CDK18: variants seen among roughly 807,000 people sequenced by gnomAD.
CDK18 encodes cyclin dependent kinase 18, also known as cyclin-dependent kinase 18.
A neutral mutation model predicts 62.0 loss-of-function variants in CDK18; 52 were observed. That is an observed-to-expected ratio of 0.84 (90% CI 0.67 to 1.06). CDK18 has a LOEUF of 1.06. Ranked by LOEUF, CDK18 falls within the 50% of genes least tolerant of loss-of-function variation. The pLI, the probability that CDK18 is intolerant of heterozygous loss-of-function variation, is 0.00. For missense variants in CDK18, 604 were observed against 619.9 expected, an observed-to-expected ratio of 0.97 and a Z score of 0.27; for synonymous variants, 237 against 247.0, an observed-to-expected ratio of 0.96 and a Z score of 0.38.
chr1:205,515,774 G>A (rs1393059618), intron 1 of CDK18, among the ~76,000 whole-genome samples: 1 of 152,144 alleles, frequency 6.6e-6, no homozygotes, highest in African/African-American at 2.4e-5. Flanking sequence ...GAGCAAGGGC[G>A]ACCCTGATCC....
chr1:205,526,610 A>G, intron 7 of CDK18, 149 bp downstream of exon 7: 1 of 928,898 alleles, frequency 1.1e-6, no homozygotes, highest in Non-Finnish European at 1.8e-6. Flanking sequence ...GCTCCCGTGC[A>G]GGAGTGGGCC....
At chr1:205,505,804 C>T (rs1667277457) in intron 1 of CDK18, among the ~76,000 whole-genome samples, 1 of 152,114 alleles carries the variant, frequency 6.6e-6, no homozygotes, top group Non-Finnish European at 1.5e-5. Context: ...TCTCTCTGGG[C>T]ACCTCCCGGC....
Position 205,530,305 on chromosome 1 carries a change from C to T in CDK18, c.1268C>T (p.Ser423Phe), listed in dbSNP as rs1668671683. The change falls in exon 14 of 16, where the codon TCC (serine) becomes TTC (phenylalanine). Residue 423 changes from serine (S) to phenylalanine (F), a missense_variant. Transcript: ENST00000429964. Reference protein sequence around the residue: ...RMSAEAALSHSYFRSLGERVH... With the variant: ...RMSAEAALSHFYFRSLGERVH... ...TCAGCAGAGGCTGCCCTGAGTCACTCCTACTTCCGGTCTCTGGGAGAGCGT... is the reference window on the plus strand; with the variant it reads ...TCAGCAGAGGCTGCCCTGAGTCACTTCTACTTCCGGTCTCTGGGAGAGCGT... The T allele has an allele frequency of 1.9e-6, 3 of 1,613,366 alleles. No homozygotes were observed. Among genetic ancestry groups the T allele is most frequent in the Non-Finnish European group, 2.5e-6 (3 of 1,180,028 alleles).
At chr1:205,507,633 CAAAAAAAAAAA>C (rs56313401) in intron 1 of CDK18, among the ~76,000 whole-genome samples, 3 of 72,200 alleles carry the variant, frequency 4.2e-5, no homozygotes, top group African/African-American at 1.8e-4. Context: ...GACTCCGTCT[CAAAAAAAAAAA>C]AAAAAAAAAA....
In CDK18 at chr1:205,524,256, C is replaced by A; in HGVS notation, c.298C>A (p.Pro100Thr). The A allele has an allele frequency of 6.2e-7, 1 of 1,614,196 alleles. No homozygotes were observed. The highest frequency in any genetic ancestry group is 2.2e-5 in the East Asian group (1 of 44,884). Residue 100 changes from proline (P) to threonine (T), a missense_variant, in exon 4 of 16, where the codon CCC becomes ACC. Transcript: ENST00000429964. Reference protein sequence around the residue: ...MEDVSKRLSLPMDIRLPQEFL... With the variant: ...MEDVSKRLSLTMDIRLPQEFL... ...GGACGTCAGCAAGAGGCTCTCTCTG[C>A]CCATGGATATCCGCCTGCCCCAGGA...
chr1:205,526,758 C>T lies in CDK18; in HGVS notation c.667-17C>T. On this transcript the variant is annotated splice_polypyrimidine_tract_variant and intron_variant, in intron 7 of 15. Coordinates refer to ENST00000429964, the MANE Select transcript of CDK18 (RefSeq NM_212502.3). ...GGGTCAGCGTGGGGCAGGACTGAGCCACGCTCTGTGTTCCAGGACAGTGAC... is the reference window on the plus strand; with the variant it reads ...GGGTCAGCGTGGGGCAGGACTGAGCTACGCTCTGTGTTCCAGGACAGTGAC... 6.2e-7 allele frequency: 1 copy of T among 1,609,418 alleles called. No individual in the cohort carries two copies. The highest frequency in any genetic ancestry group is 8.5e-7 in the Non-Finnish European group (1 of 1,175,756).
At position 205,527,995 on chromosome 1, in the gene CDK18, A is replaced by AG. The variant is rs1393151133; in HGVS notation, c.854-52dup. On this transcript the variant is annotated intron_variant, in intron 9 of 15. Transcript: ENST00000429964. This position sits in a 1 kb window ranked among gnomAD's most constrained non-coding sequence, Gnocchi z 4.1. ...TGGGTGCAGTGGGGGAGGGCATAGCAGTCAACCCCACAGCACCTGTGGACA... is the reference window on the plus strand; with the variant it reads ...TGGGTGCAGTGGGGGAGGGCATAGCAGGTCAACCCCACAGCACCTGTGGACA... 5.6e-6 allele frequency: 9 copies of AG among 1,613,182 alleles called. No individual in the cohort carries two copies. In the African/African-American group the frequency reaches 1.1e-4, roughly 19 times the overall value.
intron 13 of CDK18, chr1:205,529,915 A>G: frequency 2.2e-6 from 3 of 1,379,820 alleles, no homozygotes; most frequent in Non-Finnish European, 2.8e-6. Context: ...CCTGTCTTGT[A>G]AGGCACACGA....
chr1:205,509,311 C>T (rs1667458469), intron 1 of CDK18, among the ~76,000 whole-genome samples: 4 of 152,110 alleles, frequency 2.6e-5, no homozygotes. Flanking sequence ...AGCCTCCCTA[C>T]CCCCACCATT....
intron 13 of CDK18, chr1:205,529,985 T>G: frequency 1.4e-6 from 2 of 1,396,900 alleles, no homozygotes; most frequent in Non-Finnish European, 1.9e-6. Context: ...TGATCATGGT[T>G]GGTTTGCATC....
intron 13 of CDK18, 89 bp downstream of exon 13, chr1:205,529,652 G>A (rs1386242968): frequency 6.2e-7 from 1 of 1,604,544 alleles, no homozygotes. Context: ...CAACTTCTGT[G>A]GCTCGTGTGC....
At position 205,524,076 on chromosome 1, in the gene CDK18, T is replaced by C. The variant is rs369346532; in HGVS notation, c.274-156T>C. ...TCACGTGTATGTCTTGAGCACACACTGGGAGCAGCTGTGAGCCTGGGGTCA... is the reference window on the plus strand; with the variant it reads ...TCACGTGTATGTCTTGAGCACACACCGGGAGCAGCTGTGAGCCTGGGGTCA... On this transcript the variant is annotated intron_variant, in intron 3 of 15. Transcript: ENST00000429964. Among the ~76,000 whole-genome samples, 30 of 152,292 alleles carry C rather than the reference T, an allele frequency of 2.0e-4. No individual in the cohort carries two copies. In the East Asian group the frequency reaches 5.0e-3, roughly 26 times the overall value.
intron 1 of CDK18, among the ~76,000 whole-genome samples, chr1:205,512,147 T>C (rs1457921176): frequency 6.6e-6 from 1 of 152,090 alleles, no homozygotes; most frequent in Non-Finnish European, 1.5e-5. Flanking sequence ...GCTGAGGGGC[T>C]TGGTGGGGCC....
chr1:205,531,209 C>A (rs1668719282), intron 15 of CDK18, 135 bp from the exon 16 acceptor site: 1 of 735,958 alleles, frequency 1.4e-6, no homozygotes, highest in South Asian at 1.7e-5. Context: ...GACACCAGGT[C>A]AGACCGGCTC....
chr1:205,524,898 C>T (rs1329832425), intron 4 of CDK18, among the ~76,000 whole-genome samples: 1 of 152,178 alleles, frequency 6.6e-6, no homozygotes, highest in Non-Finnish European at 1.5e-5. Flanking sequence ...CACAGGTAGT[C>T]AAGATGTGCA....
chr1:205,523,493 C>G lies in CDK18; in HGVS notation c.141C>G (p.Leu47=), dbSNP rs200845295. ...LHNRRNENLQ[L]GPLGRDPPQE... is the part of the protein sequence containing the mutation. ...GCCTGTCCCTCTTAGACTTGCAGCT[C>G]GGTCCTCTTGGCAGAGACCCCCCGC... The change falls in exon 3 of 16, where the codon CTC becomes CTG. Residue 47 remains leucine, a synonymous_variant. Coordinates refer to ENST00000429964, the MANE Select transcript of CDK18 (RefSeq NM_212502.3). 38 of 1,602,990 alleles carry G rather than the reference C, an allele frequency of 2.4e-5. No individual in the cohort carries two copies. In the South Asian group the frequency reaches 4.0e-4, roughly 17 times the overall value.
rs1575081948 is a variant in CDK18 at position 205,530,472 on chromosome 1, C to T, written c.1312+123C>T. 5 of 1,204,272 alleles carry T rather than the reference C, an allele frequency of 4.2e-6. No individual in the cohort carries two copies. The East Asian group carries it at 1.2e-4, about 29-fold the overall frequency. The allele number at this position is 1,204,272 out of a possible 1,614,324, so 74.6% of individuals were successfully genotyped here. A position where few individuals can be genotyped will look rare whatever the true frequency, so the allele number is the denominator to read the frequency against. The stretch of plus-strand genomic sequence containing the variant: ...AGCCCCAGCAGAGCAGCCCCGGGCA[C>T]CTTGCCTCCCCTGCTGGGGTTCTCA... On this transcript the variant is annotated intron_variant, in intron 14 of 15. Transcript: ENST00000429964.
Position 205,526,443 on chromosome 1 carries a change from C to T in CDK18, c.648C>T (p.Thr216=). 6.2e-7 allele frequency: 1 copy of T among 1,613,880 alleles called. No individual in the cohort carries two copies. The highest frequency in any genetic ancestry group is 1.3e-5 in the African/African-American group (1 of 75,050). ...HDLIHTDRSL[T]LVFEYLDSDL... ...TCATCCACACAGATCGGTCCCTCAC[C>T]CTGGTGTTTGAGTACCTGGTGAGAG... Residue 216 remains threonine (T), a synonymous_variant, in exon 7 of 16, where the codon ACC becomes ACT. Coordinates refer to ENST00000429964, the MANE Select transcript of CDK18 (RefSeq NM_212502.3).
chr1:205,530,597 CCT>C, intron 14 of CDK18, 29 bp from the exon 15 acceptor site: 2 of 1,601,934 alleles, frequency 1.2e-6, no homozygotes, highest in Non-Finnish European at 8.6e-7. Context: ...TCCACGCAGC[CCT>C]CTCCAGACTA....
Sources: allele counts gnomAD v4.1 joint callset (sites outside exome capture counted in the v4.1 genomes callset), GRCh38; gene constraint gnomAD v4.1.1; non-coding constraint Gnocchi (gnomAD v3.1); transcripts MANE v1.5; gene names NCBI Gene and HGNC (gene_info 2026-07-23, HGNC 2026-07-21).